The following WDR17 variants were observed in gnomAD, a reference collection of about 807,000 sequenced individuals.
WDR17 encodes the protein WD repeat domain 17.
In WDR17, 143 loss-of-function variants were observed where a neutral mutation model predicts 161.7. The ratio of observed to expected loss-of-function variants is 0.88; its 90% CI spans 0.77 to 1.02. The LOEUF (loss-of-function observed/expected upper bound fraction) is 1.02, where lower values mean the gene tolerates loss of function less well. WDR17 is among the 50% of genes least tolerant of loss of function. The pLI is 0.00. For synonymous variants in WDR17, 517 were observed against 515.6 expected (o/e 1.00, Z -0.04); for missense variants, 1,469 against 1,520.9 (o/e 0.97, Z 0.57).
chr4:176,150,683 A>T, intron 16 of WDR17, 90 bp downstream of exon 16: 1 of 1,297,770 alleles, frequency 7.7e-7, no homozygotes, highest in Non-Finnish European at 1.0e-6. Flanking sequence ...AATATATATG[A>T]TTAGATCGGT....
At chr4:176,067,247 A>C (rs1023101530) in intron 1 of WDR17, among the ~76,000 whole-genome samples, 4 of 152,228 alleles carry the variant, frequency 2.6e-5, no homozygotes, top group South Asian at 2.1e-4. Flanking sequence ...CTATCATCTA[A>C]AATTAAATAT....
chr4:176,118,800 C>CA (rs539690350), intron 3 of WDR17, among the ~76,000 whole-genome samples: 33,095 of 146,072 alleles, frequency 0.23, 3,767 homozygotes, highest in South Asian at 0.27. Flanking sequence ...ACTAAAAATA[C>CA]AAAAAAAAAA....
intron 1 of WDR17, among the ~76,000 whole-genome samples, chr4:176,110,554 T>C (rs1739541491): frequency 6.6e-6 from 1 of 152,212 alleles, no homozygotes; most frequent in Admixed American, 6.5e-5. Context: ...GATAACCACA[T>C]AGTTTAATAC....
chr4:176,155,144 G>C (rs1747860714), intron 17 of WDR17, among the ~76,000 whole-genome samples: 1 of 152,024 alleles, frequency 6.6e-6, no homozygotes, highest in South Asian at 2.1e-4. Flanking sequence ...AATTACTCTG[G>C]AGTTGTATTA....
intron 4 of WDR17, among the ~76,000 whole-genome samples, chr4:176,121,396 T>G (rs745342134): frequency 6.6e-6 from 1 of 152,156 alleles, no homozygotes; most frequent in African/African-American, 2.4e-5. Context: ...ATGCAATCTA[T>G]AATAAATATG....
intron 4 of WDR17, among the ~76,000 whole-genome samples, chr4:176,122,714 G>A (rs1369193950): frequency 6.6e-6 from 1 of 152,122 alleles, no homozygotes; most frequent in Non-Finnish European, 1.5e-5. Flanking sequence ...TACAACATAG[G>A]ATTTCTCTCC....
chr4:176,100,606 A>G (rs1737664440), intron 1 of WDR17, among the ~76,000 whole-genome samples: 1 of 151,866 alleles, frequency 6.6e-6, no homozygotes, highest in South Asian at 2.1e-4. Flanking sequence ...CCATTTATCT[A>G]TTTTTGTTTT....
At chr4:176,139,850 G>T in intron 9 of WDR17, 42 bp from the exon 10 acceptor site, 1 of 1,483,822 alleles carries the variant, frequency 6.7e-7, no homozygotes, top group East Asian at 2.3e-5. Flanking sequence ...GAAAAAAGGG[G>T]TGAATTATTT....
chr4:176,091,413 A>G (rs987839588), intron 1 of WDR17, among the ~76,000 whole-genome samples: 21 of 152,212 alleles, frequency 1.4e-4, no homozygotes, highest in African/African-American at 5.1e-4. Context: ...GTTAATGGAT[A>G]AATTAAAGAA....
At chr4:176,157,397 C>T (rs566660813) in intron 18 of WDR17, among the ~76,000 whole-genome samples, 26 of 152,272 alleles carry the variant, frequency 1.7e-4, no homozygotes, top group Non-Finnish European at 3.5e-4. Flanking sequence ...GAAGGATTAA[C>T]ACATTTGCCA....
At position 176,096,638 on chromosome 4, in the gene WDR17, G is replaced by A; in HGVS notation, c.-6-14937G>A. On this transcript the variant is annotated intron_variant, in intron 1 of 28. Transcript: ENST00000508596. ...TTTCCTGCGATTTTTTTTCTGCTTT[G>A]CTTCTCATATAGTTTTATATCTGTG... 2.8e-6 allele frequency: 4 copies of A among 1,435,350 alleles called. No homozygotes were observed. In the South Asian group the frequency reaches 5.0e-5, roughly 18 times the overall value. The allele number at this position is 1,435,350 out of a possible 1,614,324, so 88.9% of individuals were successfully genotyped here. A position where few individuals can be genotyped will look rare whatever the true frequency, so the allele number is the denominator to read the frequency against.
At chr4:176,159,797 A>G (rs1429650747) in intron 18 of WDR17, among the ~76,000 whole-genome samples, 197 bp from the exon 19 acceptor site, 1 of 152,238 alleles carries the variant, frequency 6.6e-6, no homozygotes, top group South Asian at 2.1e-4. Flanking sequence ...ACAAGTACCT[A>G]TAGTATTTAT....
Position 176,163,216 on chromosome 4 carries a change from A to G in WDR17, c.2913A>G (p.Val971=). The change falls in exon 22 of 29, where the codon GTA becomes GTG. Residue 971 remains valine (V), a synonymous_variant. Transcript: ENST00000508596. ...AGTTGGCAGTCTGTGTGGGCACAGTACTAGGAGAGTCTGCAGCACCAGCAA... is the reference window on the plus strand; with the variant it reads ...AGTTGGCAGTCTGTGTGGGCACAGTGCTAGGAGAGTCTGCAGCACCAGCAA... The part of the protein sequence containing the change: ...ELELAVCVGT[V]LGESAAPATH... 1.2e-6 allele frequency: 2 copies of G among 1,614,078 alleles called. No individual in the cohort carries two copies. Among genetic ancestry groups the G allele is most frequent in the Middle Eastern group, 1.6e-4 (1 of 6,062 alleles).
intron 17 of WDR17, among the ~76,000 whole-genome samples, chr4:176,154,011 A>T (rs1031277184): frequency 2.6e-5 from 4 of 152,232 alleles, no homozygotes; most frequent in African/African-American, 9.6e-5. Flanking sequence ...ATTTTGGTAC[A>T]ACAGTGTAAT....
chr4:176,141,899 T>G (rs981600497), intron 10 of WDR17, 84 bp from the exon 11 acceptor site: 10 of 1,114,848 alleles, frequency 9.0e-6, no homozygotes, highest in Non-Finnish European at 1.3e-5. Context: ...TATTTCTATT[T>G]GAAATTTACA....
At chr4:176,091,109 G>T (rs1227085459) in intron 1 of WDR17, among the ~76,000 whole-genome samples, 1 of 152,102 alleles carries the variant, frequency 6.6e-6, no homozygotes, top group Non-Finnish European at 1.5e-5. Context: ...CCAGTTTTGG[G>T]GCTAGTTTAT....
intron 11 of WDR17, among the ~76,000 whole-genome samples, chr4:176,145,487 G>T (rs187218968): frequency 2.0e-5 from 3 of 152,282 alleles, no homozygotes; most frequent in East Asian, 3.9e-4. Flanking sequence ...ACCCTGGTCT[G>T]CAGGGAGCTT....
chr4:176,129,222 G>A (rs1288915471), intron 6 of WDR17, among the ~76,000 whole-genome samples: 1 of 151,984 alleles, frequency 6.6e-6, no homozygotes, highest in East Asian at 1.9e-4. Context: ...TTTAAACATG[G>A]CTCATTTAAA....
At position 176,088,447 on chromosome 4, in the gene WDR17, C is replaced by T. The variant is rs150450732; in HGVS notation, c.-7+22368C>T. ...AAAAAAAAATTTCAAACTGGAATCA[C>T]TAATAATTGGAGAGTGTTGTCAGCT... is the stretch of plus-strand genomic sequence containing the variant. On this transcript the variant is annotated intron_variant, in intron 1 of 28. Transcript: ENST00000508596. Among the ~76,000 whole-genome samples the T allele has an allele frequency of 4.5e-4, 69 of 152,210 alleles. No individual in the cohort carries two copies. The East Asian group carries it at 0.013, about 28-fold the overall frequency.
Sources: allele counts gnomAD v4.1 joint callset (sites outside exome capture counted in the v4.1 genomes callset), GRCh38; gene constraint gnomAD v4.1.1; transcripts MANE v1.5; gene names NCBI Gene and HGNC (gene_info 2026-07-23, HGNC 2026-07-21).